The following EPHA6 variants were observed in gnomAD, a reference collection of about 807,000 sequenced individuals.
EPHA6 encodes EPH receptor A6.
In EPHA6, 50 loss-of-function variants were observed where a neutral mutation model predicts 112.0. That is an observed-to-expected ratio of 0.45 (90% CI 0.36 to 0.56). EPHA6 has a LOEUF of 0.56. Ranked by LOEUF, EPHA6 falls within the 20% of genes least tolerant of loss-of-function variation. The pLI, the probability that EPHA6 is intolerant of heterozygous loss-of-function variation, is 0.00. For missense variants in EPHA6, 1,280 were observed against 1,417.4 expected (o/e 0.90, Z 1.56); for synonymous variants, 529 against 490.7 (o/e 1.08, Z -1.03).
In EPHA6 at chr3:97,154,825, T is replaced by C. The variant is rs190462841; in HGVS notation, c.1115-71439T>C. On this transcript the variant is annotated intron_variant, in intron 3 of 17. Transcript: ENST00000389672. ...AGACTGTCTGTTCAAGACACAGTGA[T>C]GAAATTATATCAGATGAAAGATGCC... Among the ~76,000 whole-genome samples, 452 of 152,282 alleles carry C rather than the reference T, an allele frequency of 3.0e-3. 2 individuals are homozygous for C. Among genetic ancestry groups the C allele is most frequent in the African/African-American group, 0.01 (420 of 41,566 alleles).
intron 5 of EPHA6, among the ~76,000 whole-genome samples, chr3:97,342,412 A>G (rs1262498812): frequency 1.3e-5 from 2 of 152,052 alleles, no homozygotes; most frequent in African/African-American, 4.8e-5. Context: ...TCAACCTCCT[A>G]CCCAAGCTTA....
intron 10 of EPHA6, among the ~76,000 whole-genome samples, chr3:97,496,825 C>A (rs371122604): frequency 1.7e-4 from 26 of 151,808 alleles, no homozygotes; most frequent in African/African-American, 6.0e-4. Context: ...AAAAAAAAAA[C>A]CAACTGCCTC....
At chr3:97,447,800 A>C (rs2090400452) in intron 6 of EPHA6, 1 of 1,015,234 alleles carries the variant, frequency 9.8e-7, no homozygotes, top group African/African-American at 1.7e-5. Flanking sequence ...CTGAGAACCA[A>C]GCCTCAAGCC....
At chr3:96,939,868 G>T (rs918320880) in intron 2 of EPHA6, among the ~76,000 whole-genome samples, 14 of 152,176 alleles carry the variant, frequency 9.2e-5, no homozygotes, top group African/African-American at 3.4e-4. Context: ...GTACCCAGTA[G>T]TCATTCAGGA....
Position 97,590,993 on chromosome 3 carries a change from T to C in EPHA6, c.2387-1619T>C, listed in dbSNP as rs187944490. Among the ~76,000 whole-genome samples the C allele has an allele frequency of 6.9e-4, 105 of 152,332 alleles. 5 individuals are homozygous for C. The East Asian group carries it at 0.012, about 17-fold the overall frequency. ...TCCATGCATTCACAAGGAAGTTTGTTGCACTACTCCTTGTAAGTTACCTCG... is the reference window on the plus strand; with the variant it reads ...TCCATGCATTCACAAGGAAGTTTGTCGCACTACTCCTTGTAAGTTACCTCG... On this transcript the variant is annotated intron_variant, in intron 11 of 17. Coordinates refer to ENST00000389672, the MANE Select transcript of EPHA6 (RefSeq NM_001080448.3).
chr3:97,361,528 T>C lies in EPHA6; in HGVS notation c.1607-43622T>C, dbSNP rs1433231879. 3.9e-5 allele frequency among the ~76,000 whole-genome samples: 6 copies of C among 152,290 alleles called. No homozygotes were observed. In the East Asian group the frequency reaches 7.7e-4, roughly 20 times the overall value. On this transcript the variant is annotated intron_variant, in intron 5 of 17. Transcript: ENST00000389672. The stretch of plus-strand genomic sequence containing the variant: ...AAAAAGAATTTATTTCTTACAGTTA[T>C]GGAGGTTGAAAAGTAGAAGGTCAAG...
chr3:97,489,878 T>C (rs1029592480), intron 10 of EPHA6, among the ~76,000 whole-genome samples: 1 of 152,148 alleles, frequency 6.6e-6, no homozygotes, highest in African/African-American at 2.4e-5. Flanking sequence ...AAGGAATTAG[T>C]AGATTTACTG....
At chr3:97,293,459 T>C (rs2080766206) in intron 5 of EPHA6, among the ~76,000 whole-genome samples, 1 of 151,616 alleles carries the variant, frequency 6.6e-6, no homozygotes, top group Admixed American at 6.6e-5. Flanking sequence ...TCCAGCTCTC[T>C]GTGGAGAGGA....
intron 5 of EPHA6, among the ~76,000 whole-genome samples, chr3:97,346,780 A>G (rs981222670): frequency 9.9e-5 from 15 of 152,010 alleles, no homozygotes; most frequent in Admixed American, 2.0e-4. Flanking sequence ...GGACATAGTC[A>G]TGGACATTAT....
At chr3:97,205,623 G>A (rs2077695823) in intron 3 of EPHA6, among the ~76,000 whole-genome samples, 1 of 152,022 alleles carries the variant, frequency 6.6e-6, no homozygotes, top group Non-Finnish European at 1.5e-5. Flanking sequence ...TGAGGCTTGA[G>A]TATGGGAAGA....
intron 3 of EPHA6, among the ~76,000 whole-genome samples, chr3:97,025,662 C>T (rs559598798): frequency 8.5e-5 from 13 of 152,304 alleles, no homozygotes; most frequent in African/African-American, 3.1e-4. Flanking sequence ...GATCTCCGCT[C>T]ACTGCAACCT....
chr3:97,112,898 A>G (rs1402340134), intron 3 of EPHA6, among the ~76,000 whole-genome samples: 1 of 152,108 alleles, frequency 6.6e-6, no homozygotes, highest in African/African-American at 2.4e-5. Flanking sequence ...TTGATAACTC[A>G]GGTATTTCCT....
intron 3 of EPHA6, among the ~76,000 whole-genome samples, chr3:97,143,934 A>C (rs2075973762): frequency 2.0e-5 from 3 of 151,038 alleles, no homozygotes; most frequent in African/African-American, 7.4e-5. Context: ...AGGATTACAT[A>C]ATTGTTTTGA....
intron 5 of EPHA6, among the ~76,000 whole-genome samples, chr3:97,377,024 T>C (rs561065957): frequency 6.6e-6 from 1 of 152,284 alleles, no homozygotes; most frequent in African/African-American, 2.4e-5. Flanking sequence ...GGAACAAATA[T>C]GATTCTCCTG....
intron 2 of EPHA6, among the ~76,000 whole-genome samples, chr3:96,970,975 A>G (rs1209216383): frequency 2.0e-5 from 3 of 152,092 alleles, no homozygotes; most frequent in African/African-American, 4.8e-5. Context: ...TGTAACTAGC[A>G]TAGTATTCAT....
At chr3:97,290,664 A>T (rs192668459) in intron 5 of EPHA6, among the ~76,000 whole-genome samples, 1 of 152,116 alleles carries the variant, frequency 6.6e-6, no homozygotes, top group African/African-American at 2.4e-5. Context: ...TGGTTTGGTT[A>T]TGTATAGTTG....
At chr3:97,525,440 G>A (rs185316644) in intron 10 of EPHA6, among the ~76,000 whole-genome samples, 20 of 151,988 alleles carry the variant, frequency 1.3e-4, no homozygotes. Context: ...GAATTTCTTT[G>A]AGCTTCTTGA....
chr3:97,603,873 G>A (rs1359711140), intron 12 of EPHA6, among the ~76,000 whole-genome samples: 1 of 151,796 alleles, frequency 6.6e-6, no homozygotes, highest in African/African-American at 2.4e-5. Flanking sequence ...GACCATCAGA[G>A]AGCTCCTAAA....
chr3:97,459,968 C>G (rs1356556587), intron 7 of EPHA6, among the ~76,000 whole-genome samples: 1 of 152,172 alleles, frequency 6.6e-6, no homozygotes, highest in African/African-American at 2.4e-5. Context: ...AAAACTGGAG[C>G]TAAGCCATCC....
Sources: gnomAD v4.1 joint callset for allele counts (sites outside exome capture counted in the v4.1 genomes callset) on GRCh38, gnomAD v4.1.1 for gene constraint, MANE v1.5 for transcripts, NCBI Gene and HGNC (gene_info 2026-07-23, HGNC 2026-07-21) for gene names.